PCSK6: variants seen among roughly 807,000 people sequenced by gnomAD.
PCSK6 encodes proprotein convertase subtilisin/kexin type 6, also known as paired basic amino acid cleaving enzyme 4.
PCSK6 carries 85 observed loss-of-function variants against 123.3 expected under a neutral mutation model. That is an observed-to-expected ratio of 0.69 (90% CI 0.58 to 0.83). The LOEUF is 0.83. Among genes scored for constraint, PCSK6 ranks in the 40% least tolerant of loss-of-function variants. PCSK6 has a pLI of 0.00. For missense variants in PCSK6, 1,191 were observed against 1,282.3 expected, an observed-to-expected ratio of 0.93 and a Z score of 1.09; for synonymous variants, 508 against 516.0, an observed-to-expected ratio of 0.98 and a Z score of 0.21.
intron 4 of PCSK6, 136 bp from the exon 5 acceptor site, chr15:101,430,199 G>A (rs1045512920): frequency 2.9e-5 from 20 of 679,146 alleles, no homozygotes; most frequent in East Asian, 5.5e-5. Flanking sequence ...TCTCATATAC[G>A]TTTTTATCGT....
chr15:101,407,097 A>AGTGTG (rs2042803580), intron 6 of PCSK6, among the ~76,000 whole-genome samples: 2 of 151,950 alleles, frequency 1.3e-5, no homozygotes, highest in East Asian at 3.9e-4. Flanking sequence ...GGAGGCTGGC[A>AGTGTG]GTGTGGTGTG....
Position 101,429,457 on chromosome 15 carries a change from G to A in PCSK6, c.734+530C>T, listed in dbSNP as rs569237183. Among the ~76,000 whole-genome samples the A allele has an allele frequency of 2.4e-4, 37 of 152,218 alleles. No individual in the cohort carries two copies. In the East Asian group the frequency reaches 3.7e-3, roughly 15 times the overall value. On this transcript the variant is annotated intron_variant, in intron 5 of 21. Coordinates refer to ENST00000611716, the MANE Select transcript of PCSK6 (RefSeq NM_002570.5). ...GGTAGGGGACATCACTGGCCTGGAC[G>A]AGCCTCTAAGACACTAAGACATGAA...
chr15:101,350,450 T>C (rs116279877), intron 13 of PCSK6, among the ~76,000 whole-genome samples: 349 of 152,334 alleles, frequency 2.3e-3, no homozygotes, highest in African/African-American at 8.1e-3. Context: ...GTATTAGAAT[T>C]TTTTTATGCC....
At chr15:101,351,795 A>C (rs866555260) in intron 13 of PCSK6, among the ~76,000 whole-genome samples, 1 of 152,218 alleles carries the variant, frequency 6.6e-6, no homozygotes, top group Non-Finnish European at 1.5e-5. Context: ...CTCATATAAC[A>C]GCCAAATAAA....
At position 101,305,141 on chromosome 15, in the gene PCSK6, G is replaced by A; in HGVS notation, c.*117C>T. The A allele has an allele frequency of 1.2e-6, 1 of 828,076 alleles. No homozygotes were observed. The highest frequency in any genetic ancestry group is 2.0e-6 in the Non-Finnish European group (1 of 512,648). The allele number at this position is 828,076 out of a possible 1,614,324, so 51.3% of individuals were successfully genotyped here. A position where few individuals can be genotyped will look rare whatever the true frequency, so the allele number is the denominator to read the frequency against. ...TGCTCAGAGATGCTGCTCCTGGGGA[G>A]ATAAAGCTGTCAGGTGCAGGGCGCC... is the stretch of plus-strand genomic sequence containing the variant. On this transcript the variant is annotated 3_prime_UTR_variant, in exon 22 of 22. Coordinates refer to ENST00000611716, the MANE Select transcript of PCSK6 (RefSeq NM_002570.5). This position sits in a 1 kb window ranked among gnomAD's most constrained non-coding sequence, Gnocchi z 4.8.
chr15:101,417,204 G>A (rs1020903923), intron 6 of PCSK6, among the ~76,000 whole-genome samples: 2 of 152,080 alleles, frequency 1.3e-5, no homozygotes, highest in South Asian at 2.1e-4. Flanking sequence ...TCTTGCCACC[G>A]CCATGTTAAG....
intron 7 of PCSK6, among the ~76,000 whole-genome samples, chr15:101,394,444 G>A (rs1017170194): frequency 2.0e-5 from 3 of 152,142 alleles, no homozygotes; most frequent in African/African-American, 4.8e-5. Flanking sequence ...AAAGATTAGC[G>A]AGTGGAAGAC....
rs548288139 is a variant in PCSK6, at chr15:101,432,371, CCAG to C, written c.403-274_403-272del. Among the ~76,000 whole-genome samples, 444 of 151,186 alleles carry C rather than the reference CCAG, an allele frequency of 2.9e-3. 8 individuals are homozygous for C. Among genetic ancestry groups the C allele is most frequent in the Admixed American group, 0.025 (371 of 15,124 alleles). ...AAAGAAAGTGCTCACGCCTGTCATCCCAGCACGTTGGGAGGCCGAGGCAGGAAG... is the reference window on the plus strand; with the variant it reads ...AAAGAAAGTGCTCACGCCTGTCATCCCACGTTGGGAGGCCGAGGCAGGAAG... On this transcript the variant is annotated intron_variant, in intron 2 of 21. Coordinates refer to ENST00000611716, the MANE Select transcript of PCSK6 (RefSeq NM_002570.5).
intron 1 of PCSK6, among the ~76,000 whole-genome samples, chr15:101,474,006 T>C (rs552128510): frequency 1.4e-4 from 22 of 152,376 alleles, no homozygotes; most frequent in South Asian, 8.3e-4. Flanking sequence ...CTTCTTGTTC[T>C]TGGCTAACGG....
intron 1 of PCSK6, among the ~76,000 whole-genome samples, chr15:101,448,331 A>G (rs2056946048): frequency 6.6e-6 from 1 of 152,250 alleles, no homozygotes. Flanking sequence ...AAGAACTCAC[A>G]GTGAAGAGAG....
intron 6 of PCSK6, among the ~76,000 whole-genome samples, chr15:101,422,868 G>A (rs1449470405): frequency 6.6e-6 from 1 of 152,132 alleles, no homozygotes; most frequent in African/African-American, 2.4e-5. Context: ...GGATCCACCC[G>A]CCTCAGCCTC....
intron 1 of PCSK6, among the ~76,000 whole-genome samples, chr15:101,455,364 G>C (rs930555721): frequency 6.6e-6 from 1 of 152,216 alleles, no homozygotes; most frequent in East Asian, 1.9e-4. Context: ...TCCGGAAAGC[G>C]CTTCCCATCC....
At chr15:101,324,436 C>T (rs567611838) in intron 17 of PCSK6, among the ~76,000 whole-genome samples, 15 of 152,184 alleles carry the variant, frequency 9.9e-5, no homozygotes, top group Admixed American at 7.9e-4. Flanking sequence ...ACAGAGAAGC[C>T]GATGGCATAG....
At chr15:101,409,021 C>G (rs183569288) in intron 6 of PCSK6, among the ~76,000 whole-genome samples, 1 of 152,186 alleles carries the variant, frequency 6.6e-6, no homozygotes, top group Non-Finnish European at 1.5e-5. Context: ...GCACCTATAT[C>G]CGGGGGCCGG....
chr15:101,404,471 C>G (rs567108577), intron 6 of PCSK6, among the ~76,000 whole-genome samples: 155 of 152,312 alleles, frequency 1.0e-3, no homozygotes, highest in African/African-American at 3.6e-3. Flanking sequence ...AAGTGTCCAG[C>G]TCTCTCAGCC....
At position 101,431,419 on chromosome 15, in the gene PCSK6, G is replaced by T; in HGVS notation, c.558C>A (p.Val186=). 6.2e-7 allele frequency: 1 copy of T among 1,613,884 alleles called. No individual in the cohort carries two copies. ...TGTAGCCCCTCTTCCACGCTGCCTG[G>T]ACATTCATTTCCGACCGGCAGCGAC... The part of the protein sequence containing the change: ...KNSRCRSEMN[V]QAAWKRGYTG... Residue 186 remains valine (V), a synonymous_variant, in exon 4 of 22, where the codon GTC becomes GTA. Transcript: ENST00000611716.
chr15:101,342,679 A>G (rs961805736), intron 13 of PCSK6, among the ~76,000 whole-genome samples: 15 of 152,314 alleles, frequency 9.8e-5, no homozygotes, highest in African/African-American at 3.6e-4. Flanking sequence ...AGGCGGGTGG[A>G]TCATCTGAGG....
At chr15:101,366,773 C>T (rs181677116) in intron 12 of PCSK6, among the ~76,000 whole-genome samples, 1 of 152,312 alleles carries the variant, frequency 6.6e-6, no homozygotes, top group East Asian at 1.9e-4. Flanking sequence ...CCTGGGGTAC[C>T]TTCACCGAAG....
At chr15:101,453,836 C>T (rs2057102531) in intron 1 of PCSK6, among the ~76,000 whole-genome samples, 1 of 152,208 alleles carries the variant, frequency 6.6e-6, no homozygotes, top group Admixed American at 6.5e-5. Flanking sequence ...AGAGAGGCTC[C>T]GGTACGAGTC....
Sources: gnomAD v4.1 joint callset for allele counts (sites outside exome capture counted in the v4.1 genomes callset) on GRCh38, gnomAD v4.1.1 for gene constraint, Gnocchi (gnomAD v3.1) non-coding constraint, MANE v1.5 for transcripts, NCBI Gene and HGNC (gene_info 2026-07-23, HGNC 2026-07-21) for gene names.